MARCHF3: variants seen among roughly 807,000 people sequenced by gnomAD.
MARCHF3 encodes the protein membrane associated ring-CH-type finger 3, also known as E3 ubiquitin-protein ligase MARCHF3.
In MARCHF3, 13 loss-of-function variants were observed where a neutral mutation model predicts 24.2. The observed-to-expected ratio is 0.54, with a 90% CI of 0.35 to 0.85. The LOEUF (loss-of-function observed/expected upper bound fraction) is 0.85, where lower values mean the gene tolerates loss of function less well. MARCHF3 is among the 40% of genes least tolerant of loss of function. MARCHF3 has a pLI of 0.01. For synonymous variants in MARCHF3, 144 were observed against 137.3 expected (o/e 1.05, Z -0.34); for missense variants, 276 against 325.0 (o/e 0.85, Z 1.16).
At chr5:126,946,810 G>GTGT (rs529339194) in intron 1 of MARCHF3, among the ~76,000 whole-genome samples, 22 of 143,808 alleles carry the variant, frequency 1.5e-4, no homozygotes, top group African/African-American at 4.6e-4. Context: ...GTGTGTGTGT[G>GTGT]GTGGAGGGGA....
intron 1 of MARCHF3, among the ~76,000 whole-genome samples, chr5:126,974,512 T>C (rs901751955): frequency 6.6e-6 from 1 of 152,274 alleles, no homozygotes; most frequent in Non-Finnish European, 1.5e-5. Context: ...TAACCTTTCC[T>C]GATACTCTTG....
chr5:126,965,226 C>T (rs1750766884), intron 1 of MARCHF3, among the ~76,000 whole-genome samples: 1 of 152,108 alleles, frequency 6.6e-6, no homozygotes, highest in African/African-American at 2.4e-5. Flanking sequence ...CCCTACTCCC[C>T]AGATTACAGA....
At chr5:126,874,011 T>A (rs1476428646) in intron 4 of MARCHF3, among the ~76,000 whole-genome samples, 1 of 152,190 alleles carries the variant, frequency 6.6e-6, no homozygotes, top group African/African-American at 2.4e-5. Flanking sequence ...AAAAAGATGC[T>A]CCAACAATAA....
At chr5:126,939,522 A>G (rs985282306) in intron 1 of MARCHF3, among the ~76,000 whole-genome samples, 3 of 152,226 alleles carry the variant, frequency 2.0e-5, no homozygotes, top group African/African-American at 7.2e-5. Context: ...ACACAGAACC[A>G]TAGTATCTGA....
rs576711086 is a variant in MARCHF3, at chr5:126,890,364, G to A, written c.394-11970C>T. On this transcript the variant is annotated intron_variant, in intron 3 of 4. Transcript: ENST00000308660. ...AGGTTAGTTACATATGTATACATGT[G>A]CCATGCTGGTGCACTGCACCCACTA... Among the ~76,000 whole-genome samples the A allele has an allele frequency of 6.6e-5, 10 of 150,612 alleles. No homozygotes were observed. The East Asian group carries it at 2.0e-3, about 30-fold the overall frequency.
intron 1 of MARCHF3, among the ~76,000 whole-genome samples, chr5:126,944,244 A>G (rs1238154180): frequency 6.6e-6 from 1 of 152,180 alleles, no homozygotes; most frequent in Non-Finnish European, 1.5e-5. Context: ...TCATGTCTGT[A>G]CAGTATTCAC....
At chr5:126,922,704 G>A (rs1305462794) in intron 1 of MARCHF3, among the ~76,000 whole-genome samples, 2 of 151,974 alleles carry the variant, frequency 1.3e-5, no homozygotes, top group Non-Finnish European at 2.9e-5. Context: ...ATGCCACCAT[G>A]CCTGGCTAAT....
At chr5:126,991,048 G>A (rs1259525439) in intron 1 of MARCHF3, among the ~76,000 whole-genome samples, 1 of 152,130 alleles carries the variant, frequency 6.6e-6, no homozygotes, top group Non-Finnish European at 1.5e-5. Context: ...CCATTACCGG[G>A]TATATACCCA....
At chr5:126,887,648 G>A (rs1357388995) in intron 3 of MARCHF3, among the ~76,000 whole-genome samples, 3 of 152,150 alleles carry the variant, frequency 2.0e-5, no homozygotes, top group Admixed American at 2.0e-4. Flanking sequence ...TAAGCACCTG[G>A]TACCCAGCTC....
intron 1 of MARCHF3, among the ~76,000 whole-genome samples, chr5:127,013,319 C>T (rs1216129545): frequency 1.3e-5 from 2 of 152,002 alleles, no homozygotes; most frequent in Admixed American, 1.3e-4. Context: ...ACAAGAACAA[C>T]AATAAAATTA....
intron 3 of MARCHF3, among the ~76,000 whole-genome samples, chr5:126,895,810 C>A (rs928862304): frequency 1.4e-4 from 22 of 152,174 alleles, no homozygotes; most frequent in African/African-American, 5.3e-4. Context: ...CAGAGGCAGG[C>A]AGGCCTCCCT....
At chr5:126,902,223 C>T (rs989093668) in intron 3 of MARCHF3, among the ~76,000 whole-genome samples, 2 of 152,144 alleles carry the variant, frequency 1.3e-5, no homozygotes, top group African/African-American at 2.4e-5. Context: ...CCCCAACAGG[C>T]TATTCCTTTG....
chr5:126,963,346 T>A (rs763621960), intron 1 of MARCHF3, among the ~76,000 whole-genome samples: 13 of 152,182 alleles, frequency 8.5e-5, no homozygotes, highest in Non-Finnish European at 1.6e-4. Flanking sequence ...TACATCATGT[T>A]TGTTATTTTT....
At chr5:126,895,005 C>G (rs1288113277) in intron 3 of MARCHF3, among the ~76,000 whole-genome samples, 4 of 152,160 alleles carry the variant, frequency 2.6e-5, no homozygotes, top group African/African-American at 7.2e-5. Context: ...GGCTTTGCTT[C>G]TTTCTTTTTA....
chr5:127,022,615 C>A (rs1027111060), intron 1 of MARCHF3, among the ~76,000 whole-genome samples: 2 of 152,196 alleles, frequency 1.3e-5, no homozygotes, highest in African/African-American at 2.4e-5. Context: ...ATAATTGGTT[C>A]TACACTCTCA....
chr5:126,870,828 C>T (rs1380012599), intron 4 of MARCHF3, 37 bp from the exon 5 acceptor site: 2 of 1,610,778 alleles, frequency 1.2e-6, no homozygotes, highest in Admixed American at 1.7e-5. Context: ...GAAAAGAATT[C>T]AGGTCAGCAG....
At chr5:126,957,514 T>C (rs1479492903) in intron 1 of MARCHF3, among the ~76,000 whole-genome samples, 4 of 152,186 alleles carry the variant, frequency 2.6e-5, no homozygotes, top group Admixed American at 2.0e-4. Flanking sequence ...TTTTGGTGTA[T>C]TGCATGATGT....
rs554338984 is a variant in MARCHF3 at position 126,987,321 on chromosome 5, G to A, written c.-57+43029C>T. Among the ~76,000 whole-genome samples, 369 of 152,006 alleles carry A rather than the reference G, an allele frequency of 2.4e-3. 1 individual carries two copies. Among genetic ancestry groups the A allele is most frequent in the Non-Finnish European group, 4.5e-3 (306 of 67,950 alleles). On this transcript the variant is annotated intron_variant, in intron 1 of 4. Transcript: ENST00000308660. ...GGTGTACTTAAACATTTGATACGAGGGTAAATCTCAAGTTTTGTTCTTACC... is the reference window on the plus strand; with the variant it reads ...GGTGTACTTAAACATTTGATACGAGAGTAAATCTCAAGTTTTGTTCTTACC...
rs1753153557 is a variant in MARCHF3 at position 127,030,521 on chromosome 5, C to T, written c.-228G>A. 2 of 152,610 alleles carry T rather than the reference C, an allele frequency of 1.3e-5. No individual in the cohort carries two copies. Among genetic ancestry groups the T allele is most frequent in the Admixed American group, 6.5e-5 (1 of 15,296 alleles). 9.5% of individuals were successfully genotyped at this position (152,610 alleles called of 1,614,324 possible). ...CGGCCGCCGCGGCCACACAGTCGCC[C>T]ACAGCGCGCTGACAATTCACGGACC... On this transcript the variant is annotated 5_prime_UTR_variant, in exon 1 of 5. Coordinates refer to ENST00000308660, the MANE Select transcript of MARCHF3 (RefSeq NM_178450.5).
Sources: allele counts gnomAD v4.1 joint callset (sites outside exome capture counted in the v4.1 genomes callset), GRCh38; gene constraint gnomAD v4.1.1; transcripts MANE v1.5; gene names NCBI Gene and HGNC (gene_info 2026-07-23, HGNC 2026-07-21).